The following TRPM1 variants were observed in gnomAD, a reference collection of about 807,000 sequenced individuals.
The protein encoded by TRPM1 is TRPM1-203 APA Isoform, Intron 10.
TRPM1 carries 113 observed loss-of-function variants against 149.4 expected under a neutral mutation model. The ratio of observed to expected loss-of-function variants is 0.76; its 90% CI spans 0.65 to 0.88. The LOEUF is 0.88. TRPM1 is among the 40% of genes least tolerant of loss of function. The probability of loss-of-function intolerance (pLI) is 0.00; values close to 1 mark genes in which losing one functional copy is unlikely to be tolerated. For missense variants in TRPM1, 1,976 were observed against 2,038.7 expected (o/e 0.97, Z 0.59); for synonymous variants, 741 against 759.5 (o/e 0.98, Z 0.40).
chr15:31,099,900 C>T (rs1254362833), intron 1 of TRPM1, among the ~76,000 whole-genome samples: 2 of 152,106 alleles, frequency 1.3e-5, no homozygotes, highest in African/African-American at 2.4e-5. Context: ...GAATCAGTCC[C>T]GTATTCATCA....
At chr15:31,123,767 G>A (rs1017345686) in intron 1 of TRPM1, among the ~76,000 whole-genome samples, 1 of 152,192 alleles carries the variant, frequency 6.6e-6, no homozygotes, top group East Asian at 1.9e-4. Context: ...CACTTTGTAA[G>A]ACAGTCTGGC....
chr15:31,032,818 C>T lies in TRPM1; in HGVS notation c.2823G>A (p.Gln941=), dbSNP rs2033154542. Residue 941 remains glutamine, a synonymous_variant, in exon 22 of 28, where the codon CAG becomes CAA. Coordinates refer to ENST00000256552, the MANE Select transcript of TRPM1 (RefSeq NM_001252024.2). ...GGCCATAGCCCATGTAGGGCTGGTT[C>T]TGTAGGCGAAGAATTGCTCCAATCA... ...TFMIGAILRL[Q]NQPYMGYGRV... The T allele has an allele frequency of 6.2e-7, 1 of 1,614,088 alleles. No homozygotes were observed. Among genetic ancestry groups the T allele is most frequent in the Non-Finnish European group, 8.5e-7 (1 of 1,180,054 alleles).
At chr15:31,088,692 G>A (rs2035089634) in intron 1 of TRPM1, among the ~76,000 whole-genome samples, 1 of 152,264 alleles carries the variant, frequency 6.6e-6, no homozygotes, top group South Asian at 2.1e-4. Flanking sequence ...AAGCCTTTTT[G>A]GGATTTGGGG....
chr15:31,076,284 C>T lies in TRPM1; in HGVS notation c.83+621G>A, dbSNP rs150352906. Among the ~76,000 whole-genome samples, 1,341 of 152,234 alleles carry T rather than the reference C, an allele frequency of 8.8e-3. 4 individuals carry two copies. Among genetic ancestry groups the T allele is most frequent in the African/African-American group, 0.011 (473 of 41,530 alleles). On this transcript the variant is annotated intron_variant, in intron 3 of 27. Transcript: ENST00000256552. The stretch of plus-strand genomic sequence containing the variant: ...TGTGTACTTCTGTGTCATTATTCTA[C>T]CTGCATGAATTTCATATTGGACGAA...
chr15:31,150,403 G>A (rs1359618059), intron 1 of TRPM1, among the ~76,000 whole-genome samples: 1 of 151,602 alleles, frequency 6.6e-6, no homozygotes, highest in Non-Finnish European at 1.5e-5. Context: ...AGGCAGTTAG[G>A]GTGGCTCCTC....
chr15:31,064,744 T>C (rs3784598), intron 7 of TRPM1, among the ~76,000 whole-genome samples: 58,172 of 152,054 alleles, frequency 0.38, 12,346 homozygotes, highest in East Asian at 0.82. Flanking sequence ...ATGAGGTGTT[T>C]CTACAGTCAG....
intron 1 of TRPM1, among the ~76,000 whole-genome samples, chr15:31,128,100 C>A (rs1330469961): frequency 2.0e-5 from 3 of 152,280 alleles, no homozygotes; most frequent in Non-Finnish European, 4.4e-5. Context: ...CCCCTCCCCG[C>A]TCTGCTGACC....
At chr15:31,031,183 C>T (rs578249879) in intron 22 of TRPM1, 26 bp from the exon 23 acceptor site, 42 of 1,613,974 alleles carry the variant, frequency 2.6e-5, no homozygotes, top group Non-Finnish European at 3.5e-5. Context: ...ATTTGTCTCT[C>T]ACTGTCTTGG....
intron 13 of TRPM1, among the ~76,000 whole-genome samples, chr15:31,048,466 T>A (rs1186047492): frequency 6.6e-6 from 1 of 152,128 alleles, no homozygotes; most frequent in Non-Finnish European, 1.5e-5. Flanking sequence ...TGCATTTTTT[T>A]AAAAGAGTAT....
At chr15:31,121,521 A>G (rs2035880121) in intron 1 of TRPM1, among the ~76,000 whole-genome samples, 1 of 152,160 alleles carries the variant, frequency 6.6e-6, no homozygotes, top group Non-Finnish European at 1.5e-5. Context: ...CATTAAAAGG[A>G]TAATAAAGGA....
chr15:31,124,373 GC>G (rs979136870), intron 1 of TRPM1, among the ~76,000 whole-genome samples: 1 of 152,156 alleles, frequency 6.6e-6, no homozygotes, highest in African/African-American at 2.4e-5. Context: ...TCAATCTGAG[GC>G]CAGGCACAGT....
chr15:31,048,389 A>G (rs1343046956), intron 13 of TRPM1, among the ~76,000 whole-genome samples: 1 of 152,226 alleles, frequency 6.6e-6, no homozygotes, highest in African/African-American at 2.4e-5. Context: ...TTTTTCTTTT[A>G]CAAAACAGAG....
At chr15:31,061,648 C>T in intron 9 of TRPM1, 134 bp from the exon 10 acceptor site, 1 of 732,762 alleles carries the variant, frequency 1.4e-6, no homozygotes, top group Non-Finnish European at 2.3e-6. Context: ...AAAGCAAGTG[C>T]TGTTGATTTC....
Position 31,001,582 on chromosome 15 carries a change from C to T in TRPM1, c.*240G>A, listed in dbSNP as rs138295515. ...TGTATAATCTTGTATACTGATTAGCCAATTTATCTTCGTTACAGTATCATC... is the reference window on the plus strand; with the variant it reads ...TGTATAATCTTGTATACTGATTAGCTAATTTATCTTCGTTACAGTATCATC... On this transcript the variant is annotated 3_prime_UTR_variant, in exon 28 of 28. Transcript: ENST00000256552. 3.9e-5 allele frequency: 23 copies of T among 583,306 alleles called. No homozygotes were observed. In the African/African-American group the frequency reaches 4.1e-4, roughly 10 times the overall value. The allele number at this position is 583,306 out of a possible 1,614,324, so 36.1% of individuals were successfully genotyped here. A position where few individuals can be genotyped will look rare whatever the true frequency, so the allele number is the denominator to read the frequency against.
At chr15:31,145,931 A>C (rs891120331) in intron 1 of TRPM1, among the ~76,000 whole-genome samples, 3 of 148,866 alleles carry the variant, frequency 2.0e-5, no homozygotes, top group African/African-American at 5.1e-5. Context: ...AAAAAAAAAC[A>C]AAAACAAAAA....
At chr15:31,088,341 T>G (rs1009680983) in intron 1 of TRPM1, among the ~76,000 whole-genome samples, 1 of 152,212 alleles carries the variant, frequency 6.6e-6, no homozygotes, top group African/African-American at 2.4e-5. Flanking sequence ...CCTTATTGGT[T>G]GTGGAAGCTT....
chr15:31,137,446 C>T (rs993017795), intron 1 of TRPM1, among the ~76,000 whole-genome samples: 2 of 152,192 alleles, frequency 1.3e-5, no homozygotes, highest in Non-Finnish European at 2.9e-5. Context: ...TTCAGAATGA[C>T]AATGGCTGTT....
chr15:31,134,752 A>T (rs1475471268), intron 1 of TRPM1, among the ~76,000 whole-genome samples: 1 of 152,256 alleles, frequency 6.6e-6, no homozygotes, highest in Non-Finnish European at 1.5e-5. Context: ...CTGTAATCCC[A>T]GCACTTTGGG....
intron 1 of TRPM1, among the ~76,000 whole-genome samples, chr15:31,134,627 T>G (rs1361134136): frequency 1.3e-5 from 2 of 152,156 alleles, no homozygotes; most frequent in African/African-American, 4.8e-5. Context: ...ACCAAGTCTT[T>G]CCCCACACCC....
Sources: allele counts gnomAD v4.1 joint callset (sites outside exome capture counted in the v4.1 genomes callset), GRCh38; gene constraint gnomAD v4.1.1; transcripts MANE v1.5; gene names NCBI Gene and HGNC (gene_info 2026-07-23, HGNC 2026-07-21).